Variants in SMC1A observed in about 807,000 individuals in gnomAD.
The protein encoded by SMC1A is structural maintenance of chromosomes protein 1A.
A neutral mutation model predicts 94.5 loss-of-function variants in SMC1A; 4 were observed. The ratio of observed to expected loss-of-function variants is 0.04; its 90% confidence interval spans 0.02 to 0.10. The LOEUF is 0.10. SMC1A is among the 10% of genes least tolerant of loss of function. SMC1A has a pLI of 1.00. For synonymous variants in SMC1A, 345 were observed against 347.7 expected, an observed-to-expected ratio of 0.99 and a Z score of 0.09; for missense variants, 304 against 989.0, an observed-to-expected ratio of 0.31 and a Z score of 9.29.
chrX:53,406,438 G>T (rs184515353), intron 9 of SMC1A, among the ~76,000 whole-genome samples: 71 of 111,474 alleles, frequency 6.4e-4, no homozygotes, highest in Admixed American at 4.3e-3. Flanking sequence ...ATGTAATGAG[G>T]GAAACTCAGT....
At chrX:53,389,452 C>T (rs1945329984) in intron 19 of SMC1A, among the ~76,000 whole-genome samples, 1 of 111,514 alleles carries the variant, frequency 9.0e-6, no homozygotes, top group Admixed American at 9.6e-5. Context: ...AAATTACTGC[C>T]AAGCGTGGTG....
At chrX:53,406,812 C>T (rs2075692878) in intron 9 of SMC1A, among the ~76,000 whole-genome samples, 1 of 111,585 alleles carries the variant, frequency 9.0e-6, no homozygotes, top group Non-Finnish European at 1.9e-5. Context: ...ATTCTCCTGC[C>T]TTAGCCTCCC....
chrX:53,400,274 T>C (rs782784042), intron 15 of SMC1A, among the ~76,000 whole-genome samples: 3 of 111,515 alleles, frequency 2.7e-5, no homozygotes, highest in East Asian at 2.8e-4. Context: ...ACCCGGGCTC[T>C]TTCTAGTATA....
chrX:53,380,653 G>C lies in SMC1A; in HGVS notation c.3585C>G (p.Thr1195=), dbSNP rs781943084. The change falls in exon 24 of 25, where the codon ACC becomes ACG. Residue 1195 remains threonine, a synonymous_variant. Transcript: ENST00000322213. Reference sequence around the variant, plus strand: ...AGACTCCAATGAGGCTCTCGGCCTTGGTGTAGAACTCCTCCTTGAGAGAGA... The same window carrying C: ...AGACTCCAATGAGGCTCTCGGCCTTCGTGTAGAACTCCTCCTTGAGAGAGA... ...IVISLKEEFY[T]KAESLIGVYP... 1.1e-5 allele frequency: 13 copies of C among 1,205,882 alleles called. 1 individual carries two copies. Among genetic ancestry groups the C allele is most frequent in the Non-Finnish European group, 1.3e-5 (12 of 891,432 alleles).
chrX:53,416,421 T>C (rs898117375), intron 1 of SMC1A, among the ~76,000 whole-genome samples: 3 of 106,978 alleles, frequency 2.8e-5, no homozygotes, highest in Non-Finnish European at 5.8e-5. Flanking sequence ...AGATGGAGTC[T>C]TGCTCTGTTG....
intron 19 of SMC1A, among the ~76,000 whole-genome samples, chrX:53,389,187 T>C (rs1378675213): frequency 1.9e-5 from 2 of 105,660 alleles, no homozygotes; most frequent in African/African-American, 6.9e-5. Context: ...CAGTAAAGTA[T>C]AGAATGTGAA....
At chrX:53,409,343 C>T in intron 8 of SMC1A, 74 bp from the exon 9 acceptor site, 1 of 1,161,917 alleles carries the variant, frequency 8.6e-7, no homozygotes, top group Non-Finnish European at 1.2e-6. Context: ...CTCTGGGGGT[C>T]CTGCATGAAG....
At chrX:53,398,080 G>A (rs1556888307) in intron 16 of SMC1A, among the ~76,000 whole-genome samples, 1 of 108,176 alleles carries the variant, frequency 9.2e-6, no homozygotes, top group African/African-American at 3.4e-5. Flanking sequence ...CAGCTACTCA[G>A]GAGGCAGAGG....
intron 20 of SMC1A, 78 bp downstream of exon 20, chrX:53,383,019 T>C (rs1364826939): frequency 1.0e-6 from 1 of 961,238 alleles, no homozygotes; most frequent in East Asian, 3.1e-5. Flanking sequence ...CAGGAACTGC[T>C]GTGATGTATA....
rs782144152 is a variant in SMC1A at position 53,379,953 on chromosome X, G to C, written c.*150C>G. ...TTGCTCCAGACCTAACATCACCTCT[G>C]TTCCTCTTCATGCTTGATTAGCAGT... On this transcript the variant is annotated 3_prime_UTR_variant, in exon 25 of 25. Coordinates refer to ENST00000322213, the MANE Select transcript of SMC1A (RefSeq NM_006306.4). The C allele has an allele frequency of 2.0e-6, 1 of 501,696 alleles. No individual in the cohort carries two copies. Among genetic ancestry groups the C allele is most frequent in the South Asian group, 2.8e-5 (1 of 36,060 alleles). 41.3% of individuals were successfully genotyped at this position (501,696 alleles called of 1,213,427 possible). A position where few individuals can be genotyped will look rare whatever the true frequency, so the allele number is the denominator to read the frequency against.
rs781868574 is a variant in SMC1A at position 53,409,028 on chromosome X, G to C, written c.1545+34C>G. On this transcript the variant is annotated intron_variant, in intron 9 of 24. Coordinates refer to ENST00000322213, the MANE Select transcript of SMC1A (RefSeq NM_006306.4). The stretch of plus-strand genomic sequence containing the variant: ...GAAAATCGTGTGACAGTGAGTGTAA[G>C]TGCTCAGGAAATGAGTTCCCTCTCT... 6.9e-6 allele frequency: 8 copies of C among 1,166,351 alleles called. No individual in the cohort carries two copies. In the Admixed American group the frequency reaches 1.8e-4, roughly 26 times the overall value.
chrX:53,418,426 C>T (rs1174540336), intron 1 of SMC1A, among the ~76,000 whole-genome samples: 3 of 111,780 alleles, frequency 2.7e-5, no homozygotes, highest in African/African-American at 9.7e-5. Flanking sequence ...TAAGCTACCA[C>T]GCCCAGACCT....
At chrX:53,391,904 G>A (rs1556887320) in intron 19 of SMC1A, among the ~76,000 whole-genome samples, 3 of 110,417 alleles carry the variant, frequency 2.7e-5, no homozygotes, top group Admixed American at 9.7e-5. Context: ...CAGCATCCCT[G>A]GTGTCTACCC....
chrX:53,390,060 AG>A (rs1420867521), intron 19 of SMC1A, among the ~76,000 whole-genome samples: 1 of 105,684 alleles, frequency 9.5e-6, no homozygotes. Flanking sequence ...CGTGTTAGCC[AG>A]GATCAATCTC....
At chrX:53,400,464 G>GTA (rs2075666834) in intron 15 of SMC1A, among the ~76,000 whole-genome samples, 1 of 111,644 alleles carries the variant, frequency 9.0e-6, no homozygotes, top group Non-Finnish European at 1.9e-5. Flanking sequence ...GAGTTAATAT[G>GTA]TATAAAGTCC....
In SMC1A at chrX:53,394,849, T is replaced by G. The variant is rs782154668; in HGVS notation, c.2902A>C (p.Arg968=). ...TCTCGTGCATAGATACTGGAAATTCTCTGTGAACCACTCACTGAGTCCTCC... is the reference window on the plus strand; with the variant it reads ...TCTCGTGCATAGATACTGGAAATTCGCTGTGAACCACTCACTGAGTCCTCC... ...QGEDSVSGSQ[R]ISSIYAREAL... Residue 968 remains arginine, a synonymous_variant, in exon 19 of 25, where the codon AGA becomes CGA. Coordinates refer to ENST00000322213, the MANE Select transcript of SMC1A (RefSeq NM_006306.4). 9 of 1,196,009 alleles carry G rather than the reference T, an allele frequency of 7.5e-6. No homozygotes were observed. Among genetic ancestry groups the G allele is most frequent in the Admixed American group, 6.6e-5 (3 of 45,162 alleles).
intron 11 of SMC1A, 42 bp downstream of exon 11, chrX:53,405,451 A>G (rs375055079): frequency 1.0e-4 from 125 of 1,209,505 alleles, no homozygotes; most frequent in Non-Finnish European, 1.3e-4. Context: ...AATCTCCAGT[A>G]CTGAGCCTGT....
chrX:53,396,131 CTT>C, intron 18 of SMC1A, 94 bp downstream of exon 18: 2 of 997,112 alleles, frequency 2.0e-6, no homozygotes, highest in Middle Eastern at 2.9e-4. Flanking sequence ...TGCCCACCAT[CTT>C]TCTCTCTCTC....
intron 19 of SMC1A, among the ~76,000 whole-genome samples, chrX:53,390,973 C>CAAAAAAAAAAAAAAAAAAAAAAA (rs782771730): frequency 2.3e-4 from 8 of 34,321 alleles, no homozygotes; most frequent in East Asian, 1.3e-3. Context: ...GACTCCGTCT[C>CAAAAAAAAAAAAAAAAAAAAAAA]AAAAAAAAAA....
Sources: gnomAD v4.1 joint callset for allele counts (sites outside exome capture counted in the v4.1 genomes callset) on GRCh38, gnomAD v4.1.1 for gene constraint, MANE v1.5 for transcripts, NCBI Gene and HGNC (gene_info 2026-07-23, HGNC 2026-07-21) for gene names.